The following IMMT variants were observed in gnomAD, a reference collection of about 807,000 sequenced individuals.
The protein encoded by IMMT is MICOS complex subunit MIC60.
IMMT carries 40 observed loss-of-function variants against 92.7 expected under a neutral mutation model. The observed-to-expected ratio is 0.43, with a 90% CI of 0.34 to 0.56. The LOEUF (loss-of-function observed/expected upper bound fraction) is 0.56. Among genes scored for constraint, IMMT ranks in the 20% least tolerant of loss-of-function variants. The pLI is 0.03. For missense variants in IMMT, 831 were observed against 912.1 expected, an observed-to-expected ratio of 0.91 and a Z score of 1.14; for synonymous variants, 322 against 336.1, an observed-to-expected ratio of 0.96 and a Z score of 0.46.
At chr2:86,154,176 C>CA (rs1553445699) in intron 10 of IMMT, among the ~76,000 whole-genome samples, 59 of 136,090 alleles carry the variant, frequency 4.3e-4, no homozygotes, top group Non-Finnish European at 7.2e-4. Context: ...CTAAACATTT[C>CA]TTTTTTTTTT....
intron 10 of IMMT, among the ~76,000 whole-genome samples, chr2:86,155,150 A>G (rs1675764887): frequency 1.3e-5 from 2 of 152,228 alleles, no homozygotes; most frequent in Non-Finnish European, 2.9e-5. Context: ...GGCATAAGCC[A>G]CTGCACCTGG....
chr2:86,169,070 G>A (rs917242995), intron 6 of IMMT, among the ~76,000 whole-genome samples: 2 of 152,176 alleles, frequency 1.3e-5, no homozygotes, highest in Admixed American at 1.3e-4. Flanking sequence ...ATGCATATGT[G>A]TATATTTTTA....
intron 3 of IMMT, among the ~76,000 whole-genome samples, chr2:86,178,483 G>A (rs944145227): frequency 3.3e-5 from 5 of 151,194 alleles, no homozygotes; most frequent in Non-Finnish European, 7.4e-5. Context: ...AAAATTAGCC[G>A]GGTGTGGTGG....
chr2:86,186,275 A>G (rs549578277), intron 1 of IMMT, among the ~76,000 whole-genome samples: 1 of 152,248 alleles, frequency 6.6e-6, no homozygotes, highest in Admixed American at 6.5e-5. Context: ...TGTGAGTGGG[A>G]GGGATGTGCA....
At chr2:86,148,901 G>T (rs561334560) in intron 12 of IMMT, among the ~76,000 whole-genome samples, 1 of 152,324 alleles carries the variant, frequency 6.6e-6, no homozygotes, top group African/African-American at 2.4e-5. Context: ...TACTAGCCCT[G>T]TGTGCCAGGC....
chr2:86,181,228 T>G, intron 2 of IMMT, 71 bp downstream of exon 2: 3 of 1,167,958 alleles, frequency 2.6e-6, no homozygotes, highest in Non-Finnish European at 3.8e-6. Flanking sequence ...TATTCCCATA[T>G]TCAAGGAAAA....
chr2:86,177,404 A>G (rs887657143), intron 3 of IMMT, among the ~76,000 whole-genome samples: 2 of 152,086 alleles, frequency 1.3e-5, no homozygotes, highest in African/African-American at 4.8e-5. Context: ...GGAGTTTAAG[A>G]CCAGCCTGGC....
In IMMT at chr2:86,179,503, G is replaced by A. The variant is rs200411502; in HGVS notation, c.239C>T (p.Pro80Leu). The change falls in exon 3 of 15, where the codon CCT becomes CTT. Residue 80 changes from proline to leucine, a missense_variant. Physicochemically the swap from Pro to Leu is moderately conservative, Grantham distance 98. Coordinates refer to ENST00000410111, the MANE Select transcript of IMMT (RefSeq NM_006839.3). ...HFRESVEKTI[P>L]YSDKLFEMVL... ...CATCTCGAAGAGTTTGTCTGAGTAA[G>A]GTATGGTTTTCTCTACACTTTCCCG... 1 of 1,613,232 alleles carries A rather than the reference G, an allele frequency of 6.2e-7. No individual in the cohort carries two copies. Among genetic ancestry groups the A allele is most frequent in the East Asian group, 2.2e-5 (1 of 44,814 alleles).
chr2:86,144,947 T>C, intron 14 of IMMT, 66 bp from the exon 15 acceptor site: 1 of 1,505,130 alleles, frequency 6.6e-7, no homozygotes, highest in Non-Finnish European at 8.9e-7. Context: ...TCCACAGAAC[T>C]GATGCACATT....
intron 1 of IMMT, among the ~76,000 whole-genome samples, chr2:86,182,783 G>A (rs1346324642): frequency 6.6e-6 from 1 of 151,794 alleles, no homozygotes; most frequent in Non-Finnish European, 1.5e-5. Context: ...CCCCGGAGGT[G>A]GAGGTTGCAA....
chr2:86,155,306 T>C (rs1178356289), intron 10 of IMMT, among the ~76,000 whole-genome samples: 1 of 152,180 alleles, frequency 6.6e-6, no homozygotes, highest in East Asian at 1.9e-4. Flanking sequence ...CTCCTTATTA[T>C]GGTTATATCA....
Position 86,158,662 on chromosome 2 carries a change from T to G in IMMT, c.1092A>C (p.Gln364His). ...GCTCTCGTTTAAAGTCATCCCGAGC[T>G]TGGACCACCAGCTCATGATACTGAG... ...VVSQYHELVVQARDDFKRELD... is the reference protein window; with the variant it reads ...VVSQYHELVVHARDDFKRELD... Residue 364 changes from glutamine to histidine, a missense_variant, in exon 10 of 15, where the codon CAA becomes CAC. Gln to His is a conservative substitution (Grantham distance 24). Transcript: ENST00000410111. 1 of 1,604,882 alleles carries G rather than the reference T, an allele frequency of 6.2e-7. No homozygotes were observed. The highest frequency in any genetic ancestry group is 1.1e-5 in the South Asian group (1 of 89,092).
intron 12 of IMMT, among the ~76,000 whole-genome samples, chr2:86,149,269 A>G (rs2104616990): frequency 6.6e-6 from 1 of 152,362 alleles, no homozygotes; most frequent in East Asian, 1.9e-4. Context: ...AGAACAATGT[A>G]CTAGGCAGAG....
rs913329656 is a variant in IMMT, at chr2:86,153,503, T to C, written c.1177+57A>G. ...AATCATAGGCACAACAAAAAGACTT[T>C]AGTCTCTTAATACCCAAAACAAAAG... On this transcript the variant is annotated intron_variant, in intron 11 of 14. Coordinates refer to ENST00000410111, the MANE Select transcript of IMMT (RefSeq NM_006839.3). 24 of 988,294 alleles carry C rather than the reference T, an allele frequency of 2.4e-5. No individual in the cohort carries two copies. In the Admixed American group the frequency reaches 3.9e-4, roughly 16 times the overall value. The allele number at this position is 988,294 out of a possible 1,614,324, so 61.2% of individuals were successfully genotyped here. A position where few individuals can be genotyped will look rare whatever the true frequency, so the allele number is the denominator to read the frequency against.
rs1285210956 is a variant in IMMT at position 86,195,428 on chromosome 2, C to T, written c.-46G>A. The T allele has an allele frequency of 1.3e-6, 2 of 1,539,560 alleles. No homozygotes were observed. Among genetic ancestry groups the T allele is most frequent in the South Asian group, 2.4e-5 (2 of 82,704 alleles). On this transcript the variant is annotated 5_prime_UTR_variant, in exon 1 of 15. Coordinates refer to ENST00000410111, the MANE Select transcript of IMMT (RefSeq NM_006839.3). The stretch of plus-strand genomic sequence containing the variant: ...TGCTGGTGGACTCGAGCTGCCGCGG[C>T]GGCGCGAGTTAAGTGGAGGCGTGCT...
At chr2:86,188,364 G>GGCTAT (rs1672910350) in intron 1 of IMMT, among the ~76,000 whole-genome samples, 2 of 152,010 alleles carry the variant, frequency 1.3e-5, no homozygotes, top group Non-Finnish European at 2.9e-5. Context: ...GGCTATTCAA[G>GGCTAT]TCCTTTGCTC....
intron 4 of IMMT, 35 bp downstream of exon 4, chr2:86,173,615 T>C (rs752449277): frequency 9.0e-7 from 1 of 1,109,894 alleles, no homozygotes; most frequent in Admixed American, 1.9e-5. Context: ...GAGATTTACC[T>C]ATAATTTTAA....
At chr2:86,166,923 C>A (rs1462075971) in intron 6 of IMMT, among the ~76,000 whole-genome samples, 1 of 151,404 alleles carries the variant, frequency 6.6e-6, no homozygotes, top group African/African-American at 2.4e-5. Flanking sequence ...TGTGGTGAAA[C>A]CCCGTCTCTA....
chr2:86,184,168 TA>T (rs1200631552), intron 1 of IMMT, among the ~76,000 whole-genome samples: 3 of 152,076 alleles, frequency 2.0e-5, no homozygotes, highest in Non-Finnish European at 2.9e-5. Flanking sequence ...TTCAAGCATA[TA>T]AATAATTTTT....
Sources: gnomAD v4.1 joint callset for allele counts (sites outside exome capture counted in the v4.1 genomes callset) on GRCh38, gnomAD v4.1.1 for gene constraint, MANE v1.5 for transcripts, NCBI Gene and HGNC (gene_info 2026-07-23, HGNC 2026-07-21) for gene names.